ODAD2: variants seen among roughly 807,000 people sequenced by gnomAD.
ODAD2 encodes the protein outer dynein arm docking complex subunit 2.
A neutral mutation model predicts 106.8 loss-of-function variants in ODAD2; 89 were observed. The ratio of observed to expected loss-of-function variants is 0.83; its 90% confidence interval spans 0.70 to 0.99. The LOEUF is 0.99. Among genes scored for constraint, ODAD2 ranks in the 50% least tolerant of loss-of-function variants. ODAD2 has a pLI of 0.00. For missense variants in ODAD2, 1,168 were observed against 1,238.5 expected (o/e 0.94, Z 0.85); for synonymous variants, 404 against 436.2 (o/e 0.93, Z 0.92).
At chr10:27,885,648 TTA>T (rs1491566996) in intron 17 of ODAD2, among the ~76,000 whole-genome samples, 1,665 of 30,966 alleles carry the variant, frequency 0.054, 45 homozygotes, top group Non-Finnish European at 0.088. Flanking sequence ...ATTATATATA[TTA>T]TATATAATAT....
intron 19 of ODAD2, among the ~76,000 whole-genome samples, chr10:27,819,468 C>T (rs1017215277): frequency 2.7e-5 from 4 of 150,542 alleles, no homozygotes; most frequent in African/African-American, 7.4e-5. Flanking sequence ...ACTTTCAGGC[C>T]GGGTGGATGC....
chr10:27,972,168 T>C (rs752737561), intron 7 of ODAD2, among the ~76,000 whole-genome samples: 10 of 152,182 alleles, frequency 6.6e-5, no homozygotes, highest in Non-Finnish European at 1.2e-4. Flanking sequence ...TCAAGGTATA[T>C]TGTTGTAAGT....
rs570618618 is a variant in ODAD2, at chr10:27,891,019, G to T, written c.2610+16644C>A. On this transcript the variant is annotated intron_variant, in intron 17 of 19. Coordinates refer to ENST00000305242, the MANE Select transcript of ODAD2 (RefSeq NM_018076.5). The stretch of plus-strand genomic sequence containing the variant: ...ACAGCCCAAACATGGCTAAATCAGA[G>T]CTTGTGTTTATAGCAATATTCCTAG... Among the ~76,000 whole-genome samples the T allele has an allele frequency of 2.6e-5, 4 of 152,256 alleles. No homozygotes were observed. In the South Asian group the frequency reaches 8.3e-4, roughly 32 times the overall value.
Position 27,895,790 on chromosome 10 carries a change from T to C in ODAD2, c.2610+11873A>G, listed in dbSNP as rs112019802. On this transcript the variant is annotated intron_variant, in intron 17 of 19. Coordinates refer to ENST00000305242, the MANE Select transcript of ODAD2 (RefSeq NM_018076.5). The stretch of plus-strand genomic sequence containing the variant: ...TGTGTAAATAATGAGATGCTATTAT[T>C]AAACAGTATAAATGTGCTTTCTTTC... 3.7e-3 allele frequency among the ~76,000 whole-genome samples: 558 copies of C among 152,324 alleles called. 3 individuals carry two copies. Among genetic ancestry groups the C allele is most frequent in the African/African-American group, 0.013 (535 of 41,564 alleles).
chr10:27,971,080 C>T lies in ODAD2; in HGVS notation c.1142+28G>A, dbSNP rs1420356323. ...GTGAGTATGGTTACTAATGCTGCATCTGAAAACAAATGCAAATATCTACAT... is the reference window on the plus strand; with the variant it reads ...GTGAGTATGGTTACTAATGCTGCATTTGAAAACAAATGCAAATATCTACAT... On this transcript the variant is annotated intron_variant, in intron 8 of 19. Coordinates refer to ENST00000305242, the MANE Select transcript of ODAD2 (RefSeq NM_018076.5). 4.6e-6 allele frequency: 7 copies of T among 1,521,940 alleles called. No individual in the cohort carries two copies. In the East Asian group the frequency reaches 1.6e-4, roughly 35 times the overall value. The allele number at this position is 1,521,940 out of a possible 1,614,324, so 94.3% of individuals were successfully genotyped here. A position where few individuals can be genotyped will look rare whatever the true frequency, so the allele number is the denominator to read the frequency against.
chr10:27,842,695 A>T (rs1455710117), intron 19 of ODAD2, among the ~76,000 whole-genome samples: 2 of 151,936 alleles, frequency 1.3e-5, no homozygotes, highest in East Asian at 3.8e-4. Flanking sequence ...TTAAATTTAA[A>T]TATGCTGAAA....
At chr10:27,998,750 G>C (rs911775749) in intron 1 of ODAD2, among the ~76,000 whole-genome samples, 6 of 152,126 alleles carry the variant, frequency 3.9e-5, no homozygotes, top group African/African-American at 1.2e-4. Context: ...ATCCACGCGG[G>C]CGGCTGCAGA....
At chr10:27,935,285 T>A in intron 15 of ODAD2, 33 bp from the exon 16 acceptor site, 1 of 1,611,148 alleles carries the variant, frequency 6.2e-7, no homozygotes, top group Non-Finnish European at 8.5e-7. Flanking sequence ...GAGAATTGGT[T>A]TTTGTATAAG....
At chr10:27,944,717 A>G in intron 11 of ODAD2, 99 bp downstream of exon 11, 3 of 1,437,326 alleles carry the variant, frequency 2.1e-6, no homozygotes, top group Non-Finnish European at 2.9e-6. Context: ...AGATAAAGAC[A>G]AGAACCAGGC....
At chr10:27,944,762 G>C in intron 11 of ODAD2, 54 bp downstream of exon 11, 1 of 1,608,324 alleles carries the variant, frequency 6.2e-7, no homozygotes, top group Non-Finnish European at 8.5e-7. Flanking sequence ...GCTAAGAAGA[G>C]AGCCCAGGAA....
At chr10:27,844,451 G>C (rs1838559637) in intron 19 of ODAD2, among the ~76,000 whole-genome samples, 1 of 152,148 alleles carries the variant, frequency 6.6e-6, no homozygotes, top group South Asian at 2.1e-4. Context: ...CAGTCCTTCA[G>C]AAAAAACTGC....
intron 16 of ODAD2, among the ~76,000 whole-genome samples, chr10:27,921,593 T>C (rs1197761612): frequency 1.3e-5 from 2 of 151,880 alleles, no homozygotes; most frequent in African/African-American, 4.8e-5. Flanking sequence ...TATGCATATA[T>C]AAATGGATTT....
chr10:27,851,162 G>A (rs1409772944), intron 19 of ODAD2, among the ~76,000 whole-genome samples: 2 of 152,090 alleles, frequency 1.3e-5, no homozygotes, highest in African/African-American at 2.4e-5. Flanking sequence ...AACAGTGTCC[G>A]TCCACCACTC....
intron 16 of ODAD2, among the ~76,000 whole-genome samples, chr10:27,923,490 T>C (rs538243644): frequency 6.6e-6 from 1 of 152,150 alleles, no homozygotes; most frequent in Non-Finnish European, 1.5e-5. Flanking sequence ...CTATAGAAGA[T>C]GTAAGAAGAT....
At chr10:27,957,458 G>GTAGA (rs1285449860) in intron 10 of ODAD2, 1 of 152,174 alleles carries the variant, frequency 6.6e-6, no homozygotes, top group Non-Finnish European at 1.5e-5. Context: ...TACTCAAGAA[G>GTAGA]TAGATAGTAA....
At chr10:27,889,288 G>C (rs1402933543) in intron 17 of ODAD2, among the ~76,000 whole-genome samples, 3 of 152,178 alleles carry the variant, frequency 2.0e-5, no homozygotes, top group Non-Finnish European at 4.4e-5. Context: ...CGGGGTAGTT[G>C]CTAAAGCAGG....
rs118046108 is a variant in ODAD2 at position 27,958,007 on chromosome 10, A to G, written c.1386+3561T>C. On this transcript the variant is annotated intron_variant, in intron 10 of 19. Coordinates refer to ENST00000305242, the MANE Select transcript of ODAD2 (RefSeq NM_018076.5). Reference sequence around the variant, plus strand: ...TTTTGAGATTACCTAGAGACATTCAATTTTGCATTTCACAGACTTTTAATA... The same window carrying G: ...TTTTGAGATTACCTAGAGACATTCAGTTTTGCATTTCACAGACTTTTAATA... 4.5e-4 allele frequency among the ~76,000 whole-genome samples: 68 copies of G among 152,334 alleles called. No homozygotes were observed. The East Asian group carries it at 0.012, about 26-fold the overall frequency.
chr10:27,854,152 A>C (rs1839488882), intron 19 of ODAD2, among the ~76,000 whole-genome samples: 1 of 152,226 alleles, frequency 6.6e-6, no homozygotes, highest in African/African-American at 2.4e-5. Flanking sequence ...CATTAGAAAA[A>C]TTGAAATTGA....
In ODAD2 at chr10:27,854,825, C is replaced by G. The variant is rs559213781; in HGVS notation, c.3021+5800G>C. On this transcript the variant is annotated intron_variant, in intron 19 of 19. Transcript: ENST00000305242. ...ATGATAATTTCATACAACGGACTAC[C>G]ACTCAGAGATAAAAGAGTTGATTGA... Among the ~76,000 whole-genome samples, 80 of 152,036 alleles carry G rather than the reference C, an allele frequency of 5.3e-4. 1 individual carries two copies. Among genetic ancestry groups the G allele is most frequent in the South Asian group, 1.0e-3 (5 of 4,782 alleles).
Sources: allele counts gnomAD v4.1 joint callset (sites outside exome capture counted in the v4.1 genomes callset), GRCh38; gene constraint gnomAD v4.1.1; transcripts MANE v1.5; gene names NCBI Gene and HGNC (gene_info 2026-07-23, HGNC 2026-07-21).